Variants in MFNG observed in about 807,000 individuals in gnomAD.
The protein encoded by MFNG is MFNG O-fucosylpeptide 3-beta-N-acetylglucosaminyltransferase, also known as beta-1,3-N-acetylglucosaminyltransferase manic fringe.
MFNG carries 24 observed loss-of-function variants against 34.2 expected under a neutral mutation model. The ratio of observed to expected loss-of-function variants is 0.70; its 90% CI spans 0.51 to 0.99. The LOEUF (loss-of-function observed/expected upper bound fraction) is 0.99. MFNG is among the 50% of genes least tolerant of loss of function. MFNG has a pLI of 0.00. For synonymous variants in MFNG, 158 were observed against 179.2 expected, an observed-to-expected ratio of 0.88 and a Z score of 0.94; for missense variants, 383 against 424.0, an observed-to-expected ratio of 0.90 and a Z score of 0.85.
chr22:37,485,905 A>G lies in MFNG; in HGVS notation c.255+18T>C, dbSNP rs772570678. On this transcript the variant is annotated intron_variant, in intron 1 of 7. Transcript: ENST00000356998. The surrounding 1 kb of genome is among the most constrained non-coding windows in gnomAD (Gnocchi z 5.3). ...GGCCAGGGGCCACCCCCAGGGCCCA[A>G]TGTCACCCACTTGTCACCTGTTCCC... The G allele has an allele frequency of 6.2e-7, 1 of 1,605,314 alleles. No homozygotes were observed. Among genetic ancestry groups the G allele is most frequent in the South Asian group, 1.1e-5 (1 of 90,260 alleles).
At chr22:37,481,649 T>C (rs973604683) in intron 1 of MFNG, among the ~76,000 whole-genome samples, 5 of 152,188 alleles carry the variant, frequency 3.3e-5, no homozygotes, top group African/African-American at 1.2e-4. Context: ...GCTTCTCAGC[T>C]GCCCAAGTGG....
At position 37,485,285 on chromosome 22, in the gene MFNG, T is replaced by C. The variant is rs1259353279; in HGVS notation, c.255+638A>G. ...CCACCCTCGTGGCATGCGCTCTCCTTCCCTCCCTCGGAAGCAGTCCGCAGG... is the reference window on the plus strand; with the variant it reads ...CCACCCTCGTGGCATGCGCTCTCCTCCCCTCCCTCGGAAGCAGTCCGCAGG... On this transcript the variant is annotated intron_variant, in intron 1 of 7. Coordinates refer to ENST00000356998, the MANE Select transcript of MFNG (RefSeq NM_002405.4). The surrounding 1 kb of genome is among the most constrained non-coding windows in gnomAD (Gnocchi z 5.3). 6.6e-6 allele frequency among the ~76,000 whole-genome samples: 1 copy of C among 151,854 alleles called. No individual in the cohort carries two copies. Among genetic ancestry groups the C allele is most frequent in the Non-Finnish European group, 1.5e-5 (1 of 67,976 alleles).
At chr22:37,480,071 G>A (rs1261171863) in intron 3 of MFNG, 126 bp downstream of exon 3, 2 of 679,436 alleles carry the variant, frequency 2.9e-6, no homozygotes, top group Non-Finnish European at 4.9e-6. Context: ...AACCCAGCTG[G>A]ACTTCCCAGC....
chr22:37,476,779 T>C (rs576010078), intron 5 of MFNG, 117 bp downstream of exon 5: 2 of 844,750 alleles, frequency 2.4e-6, no homozygotes, highest in South Asian at 1.5e-5. Context: ...CACACGCAAA[T>C]GAGGAGCAGC....
At position 37,482,353 on chromosome 22, in the gene MFNG, T is replaced by A. The variant is rs926725689; in HGVS notation, c.256-1584A>T. ...TAAGTGTGGCCAGTGAGGGGCCACC[T>A]GGCCACCCTGCCTGATGTAGTCTGA... On this transcript the variant is annotated intron_variant, in intron 1 of 7. Transcript: ENST00000356998. This position sits in a 1 kb window ranked among gnomAD's most constrained non-coding sequence, Gnocchi z 4.1. 5.3e-5 allele frequency among the ~76,000 whole-genome samples: 8 copies of A among 152,162 alleles called. No individual in the cohort carries two copies. The highest frequency in any genetic ancestry group is 1.9e-4 in the African/African-American group (8 of 41,424).
intron 3 of MFNG, among the ~76,000 whole-genome samples, 188 bp from the exon 4 acceptor site, chr22:37,479,686 T>G (rs955753926): frequency 6.6e-6 from 1 of 152,024 alleles, no homozygotes; most frequent in African/African-American, 2.4e-5. Flanking sequence ...ACTTCACAGT[T>G]GAGGACCAAG....
chr22:37,479,801 C>T (rs1922209042), intron 3 of MFNG, among the ~76,000 whole-genome samples: 1 of 152,016 alleles, frequency 6.6e-6, no homozygotes. Context: ...GTCAGGAGTT[C>T]GAGACCAGCC....
At chr22:37,484,495 G>A (rs1452178408) in intron 1 of MFNG, 1 of 139,680 alleles carries the variant, frequency 7.2e-6, no homozygotes, top group Non-Finnish European at 1.6e-5. Flanking sequence ...CAGGAGCAAG[G>A]TTCTAGGTCC....
intron 5 of MFNG, 84 bp from the exon 6 acceptor site, chr22:37,474,761 G>C: frequency 2.8e-6 from 4 of 1,442,410 alleles, no homozygotes; most frequent in Middle Eastern, 3.9e-4. Context: ...GCCCTCCACT[G>C]GGACAAGCTG....
intron 7 of MFNG, among the ~76,000 whole-genome samples, chr22:37,471,454 G>C (rs189400385): frequency 3.1e-4 from 47 of 152,250 alleles, no homozygotes; most frequent in Admixed American, 2.7e-3. Flanking sequence ...CAGTTCTGGG[G>C]TTGGACTGAT....
rs150961532 is a variant in MFNG, at chr22:37,486,047, G to A, written c.131C>T (p.Pro44Leu). The change falls in exon 1 of 8, where the codon CCG (proline) becomes CTG (leucine). Residue 44 changes from proline to leucine, a missense_variant. Pro to Leu is a moderately conservative substitution (Grantham distance 98). Coordinates refer to ENST00000356998, the MANE Select transcript of MFNG (RefSeq NM_002405.4). ...RVQGTPELSQ[P>L]NPGPPKLQLH... is the part of the protein sequence containing the mutation. Reference sequence around the variant, plus strand: ...CTGTAGCTTAGGGGGCCCCGGGTTCGGCTGGCTCAGCTCGGGGGTCCCTTG... The same window carrying A: ...CTGTAGCTTAGGGGGCCCCGGGTTCAGCTGGCTCAGCTCGGGGGTCCCTTG... 171 of 1,613,942 alleles carry A rather than the reference G, an allele frequency of 1.1e-4. No individual in the cohort carries two copies. The highest frequency in any genetic ancestry group is 2.8e-4 in the Admixed American group (17 of 60,016).
rs1922181983 is a variant in MFNG at position 37,479,351 on chromosome 22, G to T, written c.555C>A (p.Asn185Lys). The T allele has an allele frequency of 6.3e-7, 1 of 1,587,380 alleles. No individual in the cohort carries two copies. The highest frequency in any genetic ancestry group is 1.1e-5 in the South Asian group (1 of 88,560). The change falls in exon 4 of 8, where the codon AAC (asparagine) becomes AAA (lysine). Residue 185 changes from asparagine (N) to lysine (K), a missense_variant. Transcript: ENST00000356998. ...GAGGAGGAGAGGGACCCACCGTGCG[G>T]TTGTGGGGCTGTGGCTCTGAGGCAT... ...PIHASEPQPH[N>K]RTRLVQFWFA...
In MFNG at chr22:37,480,923, T is replaced by C. The variant is rs866771261; in HGVS notation, c.256-154A>G. ...GGTCACACGCTCCTTTAGGACAACATACAACACACACAACCCAGCTTTTGT... is the reference window on the plus strand; with the variant it reads ...GGTCACACGCTCCTTTAGGACAACACACAACACACACAACCCAGCTTTTGT... On this transcript the variant is annotated intron_variant, in intron 1 of 7. Transcript: ENST00000356998. The C allele has an allele frequency of 4.8e-5, 32 of 665,694 alleles. 2 individuals are homozygous for C. The South Asian group carries it at 5.6e-4, about 12-fold the overall frequency. 41.2% of individuals were successfully genotyped at this position (665,694 alleles called of 1,614,324 possible). A position where few individuals can be genotyped will look rare whatever the true frequency, so the allele number is the denominator to read the frequency against.
At chr22:37,476,471 C>T (rs1922045032) in intron 5 of MFNG, among the ~76,000 whole-genome samples, 2 of 152,116 alleles carry the variant, frequency 1.3e-5, no homozygotes, top group South Asian at 2.1e-4. Flanking sequence ...CTTCCCTCAC[C>T]CAGAAGGCCC....
chr22:37,479,952 G>A (rs55771830), intron 3 of MFNG, among the ~76,000 whole-genome samples: 3,862 of 152,004 alleles, frequency 0.025, 68 homozygotes, highest in Middle Eastern at 0.061. Context: ...GCAATGAGCC[G>A]AGACTGCACC....
intron 6 of MFNG, among the ~76,000 whole-genome samples, chr22:37,474,071 T>C (rs1051338966): frequency 1.3e-5 from 2 of 152,046 alleles, no homozygotes; most frequent in African/African-American, 4.8e-5. Flanking sequence ...GGAACAGCAC[T>C]GAGCAATGGA....
At chr22:37,479,226 T>C (rs1242980816) in intron 4 of MFNG, 119 bp downstream of exon 4, 11 of 1,197,962 alleles carry the variant, frequency 9.2e-6, no homozygotes, top group Non-Finnish European at 1.2e-5. Context: ...CAAACCCACA[T>C]AGGGCCAAAC....
intron 4 of MFNG, among the ~76,000 whole-genome samples, chr22:37,478,973 C>G (rs114350951): frequency 0.011 from 1,616 of 152,334 alleles, 38 homozygotes; most frequent in African/African-American, 0.037. Flanking sequence ...GCCACTGCCC[C>G]CAGCCATTCC....
chr22:37,472,473 C>T lies in MFNG; in HGVS notation c.869G>A (p.Gly290Asp), dbSNP rs1569155695. ...EGKLNVIKLQ[G>D]PFSPEEDPSR... Reference sequence around the variant, plus strand: ...GGGGTCCTCCTCCGGGGAGAAGGGGCCCTGTAGCTTAATGACGTTGAGTTT... The same window carrying T: ...GGGGTCCTCCTCCGGGGAGAAGGGGTCCTGTAGCTTAATGACGTTGAGTTT... Residue 290 changes from glycine to aspartate, a missense_variant, in exon 7 of 8, where the codon GGC becomes GAC. Transcript: ENST00000356998. The T allele has an allele frequency of 1.1e-5, 18 of 1,583,716 alleles. No homozygotes were observed. Among genetic ancestry groups the T allele is most frequent in the Non-Finnish European group, 1.5e-5 (17 of 1,168,036 alleles).
Sources: allele counts gnomAD v4.1 joint callset (sites outside exome capture counted in the v4.1 genomes callset), GRCh38; gene constraint gnomAD v4.1.1; non-coding constraint Gnocchi (gnomAD v3.1); transcripts MANE v1.5; gene names NCBI Gene and HGNC (gene_info 2026-07-23, HGNC 2026-07-21).